Variants in KIRREL1 observed in about 807,000 individuals in gnomAD.
KIRREL1 encodes the protein kin of IRRE-like protein 1.
Under a neutral mutation model 83.3 loss-of-function variants are expected in KIRREL1, and 25 were observed. The observed-to-expected ratio is 0.30, with a 90% CI of 0.22 to 0.42. The LOEUF (loss-of-function observed/expected upper bound fraction) is 0.42. KIRREL1 is among the 10% of genes least tolerant of loss of function. The pLI is 1.00. For missense variants in KIRREL1, 812 were observed against 1,032.3 expected (o/e 0.79, Z 2.92); for synonymous variants, 388 against 410.4 (o/e 0.95, Z 0.66).
intron 1 of KIRREL1, among the ~76,000 whole-genome samples, chr1:158,043,401 G>T (rs752469026): frequency 6.6e-6 from 1 of 152,126 alleles, no homozygotes; most frequent in Non-Finnish European, 1.5e-5. Flanking sequence ...CCCTCTCTTG[G>T]CCCGGCTGCA....
intron 3 of KIRREL1, among the ~76,000 whole-genome samples, chr1:158,081,655 C>T (rs1251753174): frequency 1.3e-5 from 2 of 152,120 alleles, no homozygotes; most frequent in Non-Finnish European, 2.9e-5. Context: ...GGACACATGC[C>T]CTTTAACAGC....
chr1:158,064,361 C>A (rs1661305376), intron 1 of KIRREL1, among the ~76,000 whole-genome samples: 1 of 152,190 alleles, frequency 6.6e-6, no homozygotes, highest in Admixed American at 6.5e-5. Context: ...TGTTCTTCCC[C>A]CTTCAGATGG....
intron 1 of KIRREL1, among the ~76,000 whole-genome samples, chr1:158,017,062 CTA>C (rs1361134529): frequency 2.0e-5 from 3 of 152,228 alleles, no homozygotes; most frequent in Non-Finnish European, 4.4e-5. Context: ...GGAGCATTTA[CTA>C]TATGTTAGGC....
At chr1:158,089,854 C>T (rs1343492867) in intron 10 of KIRREL1, 36 bp downstream of exon 10, 1 of 1,582,596 alleles carries the variant, frequency 6.3e-7, no homozygotes, top group South Asian at 1.1e-5. Context: ...AGCCAGCCCT[C>T]CCTGCTTCTT....
chr1:158,034,796 C>G (rs550955344), intron 1 of KIRREL1, among the ~76,000 whole-genome samples: 1 of 152,160 alleles, frequency 6.6e-6, no homozygotes, highest in African/African-American at 2.4e-5. Context: ...TCCACAACTT[C>G]GGTAGCTAGG....
At chr1:158,033,698 C>T (rs1193186849) in intron 1 of KIRREL1, among the ~76,000 whole-genome samples, 9 of 152,058 alleles carry the variant, frequency 5.9e-5, no homozygotes, top group African/African-American at 2.2e-4. Flanking sequence ...ATGAAGTTTT[C>T]GGCCGGGCAT....
chr1:158,017,572 A>G (rs1226704077), intron 1 of KIRREL1, among the ~76,000 whole-genome samples: 1 of 151,974 alleles, frequency 6.6e-6, no homozygotes, highest in East Asian at 1.9e-4. Flanking sequence ...GGCGCCTGTA[A>G]TCCCAGCTAC....
chr1:158,047,050 ACT>A (rs1319838855), intron 1 of KIRREL1, among the ~76,000 whole-genome samples: 1 of 152,038 alleles, frequency 6.6e-6, no homozygotes, highest in Non-Finnish European at 1.5e-5. Flanking sequence ...ATATGTCATA[ACT>A]CTCCTCACGT....
chr1:158,069,302 T>TTGTGTGTGTGTGTGTG (rs57076623), intron 1 of KIRREL1, among the ~76,000 whole-genome samples: 1 of 143,292 alleles, frequency 7.0e-6, no homozygotes, highest in Non-Finnish European at 1.5e-5. Context: ...TATGACGTAC[T>TTGTGTGTGTGTGTGTG]TGTGTGTGTG....
intron 1 of KIRREL1, among the ~76,000 whole-genome samples, chr1:158,042,020 A>G (rs1170606932): frequency 1.3e-5 from 2 of 152,162 alleles, no homozygotes; most frequent in Non-Finnish European, 2.9e-5. Context: ...AGAACTTGCT[A>G]CATTGCCTGA....
intron 1 of KIRREL1, among the ~76,000 whole-genome samples, chr1:158,066,851 G>A (rs1046143083): frequency 1.4e-4 from 21 of 152,104 alleles, no homozygotes; most frequent in African/African-American, 5.1e-4. Flanking sequence ...CCTGCCTCCT[G>A]TCTCCCCTAC....
intron 8 of KIRREL1, 123 bp downstream of exon 8, chr1:158,088,577 C>G (rs1333748942): frequency 8.8e-6 from 7 of 794,664 alleles, no homozygotes; most frequent in Non-Finnish European, 1.3e-5. Flanking sequence ...CTCCGCCTCC[C>G]GGGTTCACGC....
rs559782445 is a variant in KIRREL1, at chr1:158,100,224, A to AT, written c.*5111dup. 1.3e-5 allele frequency: 2 copies of AT among 148,684 alleles called. No individual in the cohort carries two copies. Among genetic ancestry groups the AT allele is most frequent in the Admixed American group, 6.7e-5 (1 of 14,888 alleles). The allele number at this position is 148,684 out of a possible 1,614,324, so 9.2% of individuals were successfully genotyped here. A position where few individuals can be genotyped will look rare whatever the true frequency, so the allele number is the denominator to read the frequency against. The stretch of plus-strand genomic sequence containing the variant: ...ACACACTATATATTATATATATTTA[A>AT]TTTTTTTATATATATAAATATAAAT... On this transcript the variant is annotated 3_prime_UTR_variant, in exon 15 of 15. Coordinates refer to ENST00000359209, the MANE Select transcript of KIRREL1 (RefSeq NM_018240.7).
rs11340189 is a variant in KIRREL1 at position 158,038,485 on chromosome 1, CTTTTTTTTTTTTT to C, written c.53-37616_53-37604del. ...AGTCCTTTTACAGGTGGCTCTTCCT[CTTTTTTTTTTTTT>C]TTTTTTTTTTTGGAGGCAGGGTCTC... On this transcript the variant is annotated intron_variant, in intron 1 of 14. Coordinates refer to ENST00000359209, the MANE Select transcript of KIRREL1 (RefSeq NM_018240.7). Among the ~76,000 whole-genome samples, 7 of 68,090 alleles carry C rather than the reference CTTTTTTTTTTTTT, an allele frequency of 1.0e-4. No individual in the cohort carries two copies. The South Asian group carries it at 4.7e-3, about 45-fold the overall frequency. The allele number at this position is 68,090 out of a possible 152,430, so 44.7% of individuals were successfully genotyped here. A position where few individuals can be genotyped will look rare whatever the true frequency, so the allele number is the denominator to read the frequency against.
chr1:158,066,331 G>A (rs1400945465), intron 1 of KIRREL1, among the ~76,000 whole-genome samples: 8 of 151,992 alleles, frequency 5.3e-5, no homozygotes, highest in African/African-American at 1.7e-4. Context: ...TCTCTGTCCT[G>A]TCCTCTGTTT....
chr1:158,023,061 A>C (rs953285035), intron 1 of KIRREL1, among the ~76,000 whole-genome samples: 3 of 152,228 alleles, frequency 2.0e-5, no homozygotes, highest in Non-Finnish European at 4.4e-5. Context: ...TGCAGCCATG[A>C]AGCAGGCCAA....
At position 158,091,427 on chromosome 1, in the gene KIRREL1, T is replaced by G; in HGVS notation, c.1342T>G (p.Ser448Ala). The G allele has an allele frequency of 6.2e-7, 1 of 1,614,096 alleles. No homozygotes were observed. The highest frequency in any genetic ancestry group is 8.5e-7 in the Non-Finnish European group (1 of 1,179,968). The change falls in exon 11 of 15, where the codon TCA (serine) becomes GCA (alanine). Residue 448 changes from serine to alanine, a missense_variant. This residue lies in a region of KIRREL1 where 472 missense variants were observed against 626.8 expected (regional missense o/e 0.75). Coordinates refer to ENST00000359209, the MANE Select transcript of KIRREL1 (RefSeq NM_018240.7). ...LERYTVERTNSGSGVLSTLTI... is the reference protein window; with the variant it reads ...LERYTVERTNAGSGVLSTLTI... ...ACGCTATACAGTGGAGAGGACCAAC[T>G]CAGGCAGTGGGGTGCTATCCACGCT...
At chr1:158,019,742 G>GA (rs1479368244) in intron 1 of KIRREL1, among the ~76,000 whole-genome samples, 2 of 152,150 alleles carry the variant, frequency 1.3e-5, no homozygotes, top group African/African-American at 4.8e-5. Flanking sequence ...CAGAGCAAGA[G>GA]AAAGAGGCAG....
intron 1 of KIRREL1, among the ~76,000 whole-genome samples, chr1:158,048,081 A>T (rs1660821438): frequency 6.6e-6 from 1 of 152,136 alleles, no homozygotes; most frequent in African/African-American, 2.4e-5. Context: ...TCTGGACCTC[A>T]TCGTGGTCTA....
Sources: gnomAD v4.1 joint callset for allele counts (sites outside exome capture counted in the v4.1 genomes callset) on GRCh38, gnomAD v4.1.1 for gene constraint, gnomAD v4.1.1 regional missense constraint, MANE v1.5 for transcripts, NCBI Gene and HGNC (gene_info 2026-07-23, HGNC 2026-07-21) for gene names.